Variants in ABHD17C observed in about 807,000 individuals in gnomAD.
The protein encoded by ABHD17C is alpha/beta hydrolase domain-containing protein 17C.
Under a neutral mutation model 27.9 loss-of-function variants are expected in ABHD17C, and 11 were observed. The observed-to-expected ratio is 0.39, with a 90% CI of 0.25 to 0.65. The LOEUF (loss-of-function observed/expected upper bound fraction) is 0.65, where lower values mean the gene tolerates loss of function less well. Ranked by LOEUF, ABHD17C falls within the 30% of genes least tolerant of loss-of-function variation. The pLI is 0.45. For synonymous variants in ABHD17C, 233 were observed against 209.1 expected (o/e 1.11, Z -0.98); for missense variants, 280 against 470.2 (o/e 0.60, Z 3.74).
At chr15:80,711,461 A>G (rs1894727600) in intron 1 of ABHD17C, among the ~76,000 whole-genome samples, 1 of 152,092 alleles carries the variant, frequency 6.6e-6, no homozygotes, top group Non-Finnish European at 1.5e-5. Context: ...CCCGCAGGTG[A>G]TTTCCCATAG....
At chr15:80,754,069 C>T in intron 2 of ABHD17C, 82 bp from the exon 3 acceptor site, 2 of 1,115,490 alleles carry the variant, frequency 1.8e-6, no homozygotes, top group South Asian at 1.4e-5. Flanking sequence ...AGATTATTAA[C>T]TTATCATTAA....
In ABHD17C at chr15:80,695,608, C is replaced by T. The variant is rs1467693359; in HGVS notation, c.179C>T (p.Ala60Val). Reference sequence around the variant, plus strand: ...GCCGGCGCGTCCGCCCCGGCCCCGGCCCAGGCTACCGCCGCCGCCGCCGCG... The same window carrying T: ...GCCGGCGCGTCCGCCCCGGCCCCGGTCCAGGCTACCGCCGCCGCCGCCGCG... The part of the protein sequence containing the change: ...RGAGASAPAP[A>V]QATAAAAAAQ... The change falls in exon 1 of 3, where the codon GCC (alanine) becomes GTC (valine). Residue 60 changes from alanine to valine, a missense_variant. Ala to Val is a moderately conservative substitution (Grantham distance 64). Transcript: ENST00000258884. This position sits in a 1 kb window ranked among gnomAD's most constrained non-coding sequence, Gnocchi z 4.3. 36 of 1,153,058 alleles carry T rather than the reference C, an allele frequency of 3.1e-5. No individual in the cohort carries two copies. The highest frequency in any genetic ancestry group is 3.4e-5 in the Non-Finnish European group (32 of 940,374). 71.4% of individuals were successfully genotyped at this position (1,153,058 alleles called of 1,614,324 possible).
intron 1 of ABHD17C, among the ~76,000 whole-genome samples, chr15:80,712,159 G>T (rs954604095): frequency 1.3e-5 from 2 of 152,176 alleles, no homozygotes; most frequent in East Asian, 3.8e-4. Context: ...GGACTCCTCC[G>T]TTGGAATGTG....
intron 1 of ABHD17C, among the ~76,000 whole-genome samples, chr15:80,735,017 C>T (rs1284974912): frequency 1.3e-5 from 2 of 152,192 alleles, no homozygotes; most frequent in Non-Finnish European, 2.9e-5. Context: ...CCTTCCAGAG[C>T]CTCTGCTGTT....
intron 1 of ABHD17C, among the ~76,000 whole-genome samples, chr15:80,706,551 A>G (rs1457581853): frequency 1.3e-5 from 2 of 152,166 alleles, no homozygotes; most frequent in Non-Finnish European, 2.9e-5. Context: ...ATTTTGGGGG[A>G]AAAATGTAAA....
At chr15:80,702,595 C>T (rs1046751163) in intron 1 of ABHD17C, 1 of 152,182 alleles carries the variant, frequency 6.6e-6, no homozygotes, top group Non-Finnish European at 1.5e-5. Context: ...CTATTCCTCA[C>T]TCTGTCTCCA....
At chr15:80,714,665 C>G (rs1894779133) in intron 1 of ABHD17C, among the ~76,000 whole-genome samples, 1 of 152,138 alleles carries the variant, frequency 6.6e-6, no homozygotes, top group Non-Finnish European at 1.5e-5. Context: ...TATTATTTTT[C>G]ATTGTTTTTT....
intron 1 of ABHD17C, among the ~76,000 whole-genome samples, chr15:80,725,801 C>T (rs1416270792): frequency 2.8e-5 from 4 of 144,946 alleles, no homozygotes; most frequent in Non-Finnish European, 4.6e-5. Context: ...TGAACCGCTG[C>T]ACCAGCAGTT....
intron 1 of ABHD17C, among the ~76,000 whole-genome samples, chr15:80,731,837 A>G (rs1355345779): frequency 6.6e-6 from 1 of 152,216 alleles, no homozygotes; most frequent in Non-Finnish European, 1.5e-5. Flanking sequence ...CAGATTTAGG[A>G]GGAATGCTGA....
chr15:80,699,823 C>T (rs1209864515), intron 1 of ABHD17C, among the ~76,000 whole-genome samples: 1 of 152,008 alleles, frequency 6.6e-6, no homozygotes, highest in African/African-American at 2.4e-5. Flanking sequence ...AAGAGTGTAG[C>T]GGAGAGGCAG....
chr15:80,731,661 T>G (rs1460794743), intron 1 of ABHD17C, among the ~76,000 whole-genome samples: 1 of 93,880 alleles, frequency 1.1e-5, no homozygotes, highest in Non-Finnish European at 2.7e-5. Flanking sequence ...TTATAATCTT[T>G]TTTTTTTTTG....
chr15:80,733,311 A>G (rs1397876826), intron 1 of ABHD17C, among the ~76,000 whole-genome samples: 1 of 152,196 alleles, frequency 6.6e-6, no homozygotes, highest in East Asian at 1.9e-4. Context: ...ACAGGGCCTC[A>G]GACGATGGCA....
intron 1 of ABHD17C, 63 bp downstream of exon 1, chr15:80,696,082 TGG>T: frequency 6.9e-7 from 1 of 1,439,156 alleles, no homozygotes; most frequent in African/African-American, 1.4e-5. Flanking sequence ...GGGGGTCTCT[TGG>T]GGCCCCTGGG....
At chr15:80,735,430 C>T (rs1004291671) in intron 1 of ABHD17C, among the ~76,000 whole-genome samples, 1 of 152,170 alleles carries the variant, frequency 6.6e-6, no homozygotes, top group African/African-American at 2.4e-5. Context: ...ATAAGAGCAA[C>T]ACTCTTCTGC....
chr15:80,749,366 C>T (rs1895336741), intron 1 of ABHD17C, 147 bp from the exon 2 acceptor site: 1 of 730,732 alleles, frequency 1.4e-6, no homozygotes, highest in East Asian at 2.9e-5. Flanking sequence ...AGCTCACATT[C>T]ATCTTAAACT....
intron 1 of ABHD17C, chr15:80,702,765 C>G (rs1894591327): frequency 1.3e-5 from 2 of 152,112 alleles, no homozygotes; most frequent in South Asian, 4.1e-4. Flanking sequence ...TTTAAGAAGC[C>G]TGTGTACAGG....
At chr15:80,722,253 T>C (rs1269469192) in intron 1 of ABHD17C, among the ~76,000 whole-genome samples, 3 of 152,082 alleles carry the variant, frequency 2.0e-5, no homozygotes, top group Non-Finnish European at 4.4e-5. Context: ...TTTCCAGTGA[T>C]GTTTGGATTG....
chr15:80,705,898 C>T (rs984506716), intron 1 of ABHD17C, among the ~76,000 whole-genome samples: 6 of 152,096 alleles, frequency 3.9e-5, no homozygotes, highest in African/African-American at 9.7e-5. Flanking sequence ...GGAGAGGAAA[C>T]CCTACCTGTA....
intron 1 of ABHD17C, 121 bp from the exon 2 acceptor site, chr15:80,749,392 G>C (rs960699112): frequency 1.0e-6 from 1 of 991,034 alleles, no homozygotes. Context: ...GTACAAGTTA[G>C]ATGATATGGT....
Sources: allele counts gnomAD v4.1 joint callset (sites outside exome capture counted in the v4.1 genomes callset), GRCh38; gene constraint gnomAD v4.1.1; non-coding constraint Gnocchi (gnomAD v3.1); transcripts MANE v1.5; gene names NCBI Gene and HGNC (gene_info 2026-07-23, HGNC 2026-07-21).